The following CACNA2D2 variants were observed in gnomAD, a reference collection of about 807,000 sequenced individuals.
CACNA2D2 encodes calcium voltage-gated channel auxiliary subunit alpha2delta 2.
Under a neutral mutation model 166.4 loss-of-function variants are expected in CACNA2D2, and 48 were observed. That is an observed-to-expected ratio of 0.29 (90% CI 0.23 to 0.37). The LOEUF (loss-of-function observed/expected upper bound fraction) is 0.37, where lower values mean the gene tolerates loss of function less well. Among genes scored for constraint, CACNA2D2 ranks in the 10% least tolerant of loss-of-function variants. The pLI is 1.00. For missense variants in CACNA2D2, 1,122 were observed against 1,433.0 expected (o/e 0.78, Z 3.50); for synonymous variants, 561 against 573.7 (o/e 0.98, Z 0.32).
At chr3:50,466,413 A>ATGTG (rs1383756753) in intron 2 of CACNA2D2, among the ~76,000 whole-genome samples, 1 of 152,006 alleles carries the variant, frequency 6.6e-6, no homozygotes, top group East Asian at 1.9e-4. Context: ...CCCTACCCTA[A>ATGTG]TGTGTGCCCG....
At chr3:50,418,591 G>A (rs1707381285) in intron 3 of CACNA2D2, among the ~76,000 whole-genome samples, 1 of 152,244 alleles carries the variant, frequency 6.6e-6, no homozygotes, top group African/African-American at 2.4e-5. Flanking sequence ...TGTGCAGGAA[G>A]CCTCAGGAGG....
At chr3:50,399,112 G>C (rs1042316981) in intron 3 of CACNA2D2, among the ~76,000 whole-genome samples, 3 of 152,180 alleles carry the variant, frequency 2.0e-5, no homozygotes, top group African/African-American at 7.2e-5. Context: ...GGTGATGGGG[G>C]GCTGGGGCTC....
At position 50,365,731 on chromosome 3, in the gene CACNA2D2, C is replaced by A. The variant is rs200627874; in HGVS notation, c.2916-43G>T. On this transcript the variant is annotated intron_variant, in intron 33 of 37. Transcript: ENST00000424201. This position sits in a 1 kb window ranked among gnomAD's most constrained non-coding sequence, Gnocchi z 4.5. ...CCGAGTGCAGGTGGTCAGCAGAGGA[C>A]GATGCCATGCCCTACTTCTCTTCTG... is the stretch of plus-strand genomic sequence containing the variant. The A allele has an allele frequency of 1.4e-5, 23 of 1,602,398 alleles. No individual in the cohort carries two copies. The highest frequency in any genetic ancestry group is 2.0e-5 in the Non-Finnish European group (23 of 1,174,788).
chr3:50,503,262 G>A lies in CACNA2D2; in HGVS notation c.162C>T (p.Leu54=). 1.7e-6 allele frequency: 2 copies of A among 1,190,460 alleles called. No homozygotes were observed. Among genetic ancestry groups the A allele is most frequent in the Non-Finnish European group, 2.1e-6 (2 of 959,644 alleles). 73.7% of individuals were successfully genotyped at this position (1,190,460 alleles called of 1,614,324 possible). The change falls in exon 1 of 38, where the codon CTC becomes CTT. Residue 54 remains leucine, a synonymous_variant. Coordinates refer to ENST00000424201, the MANE Select transcript of CACNA2D2 (RefSeq NM_006030.4). ...LWLLLPLLPL[L]AAPGASAYSF... ...TGTAGGCAGAGGCGCCGGGGGCGGC[G>A]AGCAGCGGTAGAAGCGGCAGCAGCA...
At chr3:50,413,519 C>G (rs1267476215) in intron 3 of CACNA2D2, among the ~76,000 whole-genome samples, 1 of 152,084 alleles carries the variant, frequency 6.6e-6, no homozygotes, top group Non-Finnish European at 1.5e-5. Flanking sequence ...GGGTGGGATG[C>G]TTCCCCGTTG....
In CACNA2D2 at chr3:50,431,248, T is replaced by C. The variant is rs74740161; in HGVS notation, c.405+3065A>G. Among the ~76,000 whole-genome samples the C allele has an allele frequency of 6.2e-4, 95 of 152,176 alleles. 1 individual carries two copies. The East Asian group carries it at 0.017, about 27-fold the overall frequency. The stretch of plus-strand genomic sequence containing the variant: ...AAGGAGAAAGGGACCAGGACTTGAT[T>C]AAAAGCACATTTAAAACATAATTAA... On this transcript the variant is annotated intron_variant, in intron 3 of 37. Transcript: ENST00000424201.
chr3:50,442,903 G>T (rs558456025), intron 2 of CACNA2D2, among the ~76,000 whole-genome samples: 2 of 152,328 alleles, frequency 1.3e-5, no homozygotes, highest in African/African-American at 4.8e-5. Flanking sequence ...GGAGAGCAGG[G>T]GAGACAATTC....
chr3:50,460,351 G>T (rs958192940), intron 2 of CACNA2D2, among the ~76,000 whole-genome samples: 4 of 152,156 alleles, frequency 2.6e-5, no homozygotes, highest in Non-Finnish European at 5.9e-5. Context: ...ATAACTTAAA[G>T]GAAACTGGAC....
At chr3:50,402,095 C>G (rs1182439803) in intron 3 of CACNA2D2, among the ~76,000 whole-genome samples, 2 of 152,260 alleles carry the variant, frequency 1.3e-5, no homozygotes. Context: ...GTGGCACTCA[C>G]AGGTGGTAAC....
At chr3:50,461,745 CA>C (rs561980044) in intron 2 of CACNA2D2, among the ~76,000 whole-genome samples, 691 of 40,608 alleles carry the variant, frequency 0.017, 1 homozygote, top group African/African-American at 0.018. Context: ...TGGGGAGTCT[CA>C]AAAAAAAAAA....
intron 2 of CACNA2D2, among the ~76,000 whole-genome samples, chr3:50,473,288 G>A (rs1009506393): frequency 6.6e-6 from 1 of 152,246 alleles, no homozygotes; most frequent in African/African-American, 2.4e-5. Context: ...AAGTGCCAAG[G>A]CAAGGAAAAC....
At chr3:50,415,274 G>T (rs1707217323) in intron 3 of CACNA2D2, among the ~76,000 whole-genome samples, 1 of 152,244 alleles carries the variant, frequency 6.6e-6, no homozygotes, top group South Asian at 2.1e-4. Flanking sequence ...CCACTTTTGG[G>T]CTACAGAAGG....
intron 3 of CACNA2D2, chr3:50,416,253 G>T (rs1707258766): frequency 6.6e-6 from 1 of 152,300 alleles, no homozygotes; most frequent in Non-Finnish European, 1.5e-5. Flanking sequence ...GAGGGTAGAG[G>T]GAATTTTGGA....
intron 2 of CACNA2D2, among the ~76,000 whole-genome samples, chr3:50,466,900 G>A (rs759487579): frequency 9.2e-5 from 14 of 152,242 alleles, no homozygotes; most frequent in Non-Finnish European, 1.3e-4. Flanking sequence ...AAAAGCTGAA[G>A]GCAGCAGCAA....
intron 4 of CACNA2D2, among the ~76,000 whole-genome samples, chr3:50,388,239 C>T (rs371420054): frequency 5.9e-5 from 9 of 152,284 alleles, no homozygotes; most frequent in South Asian, 2.1e-4. Context: ...TCATAATCAC[C>T]GGCCGCCCCG....
rs587654845 is a variant in CACNA2D2 at position 50,376,633 on chromosome 3, C to T, written c.1627-445G>A. On this transcript the variant is annotated intron_variant, in intron 17 of 37. Transcript: ENST00000424201. The surrounding 1 kb of genome is among the most constrained non-coding windows in gnomAD (Gnocchi z 4.3). ...CTTCGGAATCCTACCTGGGGCTTCC[C>T]TTCCAGGTGGAAGGGAAGTAGGAGT... is the stretch of plus-strand genomic sequence containing the variant. Among the ~76,000 whole-genome samples the T allele has an allele frequency of 1.1e-3, 167 of 152,292 alleles. 1 individual carries two copies. Among genetic ancestry groups the T allele is most frequent in the South Asian group, 2.1e-3 (10 of 4,826 alleles).
chr3:50,443,743 C>T (rs1708714529), intron 2 of CACNA2D2, among the ~76,000 whole-genome samples: 1 of 152,252 alleles, frequency 6.6e-6, no homozygotes, highest in Admixed American at 6.5e-5. Flanking sequence ...ACCCCTTCAC[C>T]CTCGTGCCCC....
intron 1 of CACNA2D2, among the ~76,000 whole-genome samples, chr3:50,498,797 C>T (rs773727239): frequency 9.9e-5 from 15 of 152,232 alleles, no homozygotes; most frequent in Non-Finnish European, 2.2e-4. Context: ...GAGATTCAGG[C>T]TTCAAGCCCC....
intron 1 of CACNA2D2, among the ~76,000 whole-genome samples, chr3:50,497,986 C>G (rs950627338): frequency 6.6e-6 from 1 of 152,184 alleles, no homozygotes; most frequent in South Asian, 2.1e-4. Flanking sequence ...AGGGCTGTAG[C>G]CAGCAATGGG....
Sources: allele counts gnomAD v4.1 joint callset (sites outside exome capture counted in the v4.1 genomes callset), GRCh38; gene constraint gnomAD v4.1.1; non-coding constraint Gnocchi (gnomAD v3.1); transcripts MANE v1.5; gene names NCBI Gene and HGNC (gene_info 2026-07-23, HGNC 2026-07-21).